Variants in HLCS observed in about 807,000 individuals in gnomAD.
HLCS encodes biotin--protein ligase.
Under a neutral mutation model 75.0 loss-of-function variants are expected in HLCS, and 53 were observed. That is an observed-to-expected ratio of 0.71 (90% CI 0.57 to 0.89). The LOEUF is 0.89. HLCS is among the 40% of genes least tolerant of loss of function. HLCS has a pLI of 0.00. For synonymous variants in HLCS, 431 were observed against 428.6 expected, an observed-to-expected ratio of 1.01 and a Z score of -0.07; for missense variants, 966 against 1,074.0, an observed-to-expected ratio of 0.90 and a Z score of 1.41.
intron 6 of HLCS, among the ~76,000 whole-genome samples, chr21:36,774,027 C>G (rs2060284725): frequency 6.6e-6 from 1 of 152,102 alleles, no homozygotes; most frequent in South Asian, 2.1e-4. Context: ...GGCAGGAATG[C>G]ACAAGATTGT....
intron 5 of HLCS, among the ~76,000 whole-genome samples, chr21:36,911,358 T>C (rs958797044): frequency 1.3e-5 from 2 of 152,146 alleles, no homozygotes; most frequent in Non-Finnish European, 2.9e-5. Context: ...TGATGATGCG[T>C]CCTTCCAGTT....
chr21:36,766,841 T>C (rs993205449), intron 7 of HLCS, among the ~76,000 whole-genome samples: 1 of 151,918 alleles, frequency 6.6e-6, no homozygotes, highest in Non-Finnish European at 1.5e-5. Context: ...GCAAAAGGCC[T>C]CCCACATGAC....
In HLCS at chr21:36,791,840, C is replaced by T. The variant is rs529372059; in HGVS notation, c.1893-24555G>A. ...AAAACCCTTGCAGCCTCCCACCCCA[C>T]CCCCGGCAAAAGCACTCTTTGCAAA... On this transcript the variant is annotated intron_variant, in intron 6 of 10. Coordinates refer to ENST00000674895, the MANE Select transcript of HLCS (RefSeq NM_001352514.2). Among the ~76,000 whole-genome samples, 6 of 152,140 alleles carry T rather than the reference C, an allele frequency of 3.9e-5. No individual in the cohort carries two copies. The South Asian group carries it at 1.2e-3, about 32-fold the overall frequency.
chr21:36,951,335 C>T (rs1370384306), intron 2 of HLCS, among the ~76,000 whole-genome samples: 41 of 152,180 alleles, frequency 2.7e-4, no homozygotes, highest in Non-Finnish European at 1.0e-4. Flanking sequence ...GAGCTGTGTG[C>T]AGGGGCCAGG....
At chr21:36,799,926 G>A (rs2061146157) in intron 6 of HLCS, among the ~76,000 whole-genome samples, 1 of 152,220 alleles carries the variant, frequency 6.6e-6, no homozygotes, top group Non-Finnish European at 1.5e-5. Context: ...AGGGTTGTTT[G>A]TGGACAACTA....
chr21:36,912,396 A>G (rs1372282005), intron 5 of HLCS, among the ~76,000 whole-genome samples: 1 of 152,204 alleles, frequency 6.6e-6, no homozygotes, highest in Non-Finnish European at 1.5e-5. Context: ...ACACAAAAGG[A>G]CAAATATTGT....
chr21:36,768,035 G>A (rs2090101917), intron 6 of HLCS, among the ~76,000 whole-genome samples: 11 of 152,152 alleles, frequency 7.2e-5, no homozygotes, highest in Admixed American at 7.2e-4. Flanking sequence ...CCCACTCTGA[G>A]AATTTCCTGC....
chr21:36,769,638 A>G (rs946108522), intron 6 of HLCS, among the ~76,000 whole-genome samples: 34 of 152,256 alleles, frequency 2.2e-4, no homozygotes, highest in Non-Finnish European at 2.6e-4. Context: ...AGCGGCACTC[A>G]GGAAAAGCGC....
chr21:36,844,173 G>A (rs767885488), intron 6 of HLCS, among the ~76,000 whole-genome samples: 1 of 152,164 alleles, frequency 6.6e-6, no homozygotes, highest in Non-Finnish European at 1.5e-5. Context: ...ATAAAATAGT[G>A]TAAAGGTGGA....
intron 6 of HLCS, among the ~76,000 whole-genome samples, chr21:36,786,871 A>G (rs937307970): frequency 2.6e-5 from 4 of 152,220 alleles, no homozygotes; most frequent in Admixed American, 6.5e-5. Flanking sequence ...TGGGAAGGAT[A>G]ACGAGTGATA....
intron 6 of HLCS, among the ~76,000 whole-genome samples, chr21:36,835,469 T>C (rs1056521432): frequency 6.6e-6 from 1 of 152,202 alleles, no homozygotes; most frequent in African/African-American, 2.4e-5. Context: ...TTTCTCTAGA[T>C]CACAGTTGGA....
At chr21:36,981,395 CTTTTTTTT>C (rs11328067) in intron 1 of HLCS, among the ~76,000 whole-genome samples, 1 of 91,280 alleles carries the variant, frequency 1.1e-5, no homozygotes, top group Non-Finnish European at 2.0e-5. Flanking sequence ...CTTAACCTTC[CTTTTTTTT>C]TTTTTTTTTT....
chr21:36,951,009 C>T (rs1273729374), intron 2 of HLCS, among the ~76,000 whole-genome samples: 2 of 152,230 alleles, frequency 1.3e-5, no homozygotes, highest in African/African-American at 4.8e-5. Context: ...ATGAACATTG[C>T]ATGGCCCAGG....
intron 6 of HLCS, among the ~76,000 whole-genome samples, chr21:36,837,817 CCT>C (rs2062467235): frequency 1.3e-5 from 2 of 151,990 alleles, no homozygotes; most frequent in African/African-American, 4.8e-5. Flanking sequence ...CAGCCCAGCC[CCT>C]GTTGATACTC....
At chr21:36,771,583 T>G (rs2060207271) in intron 6 of HLCS, among the ~76,000 whole-genome samples, 1 of 152,180 alleles carries the variant, frequency 6.6e-6, no homozygotes, top group Non-Finnish European at 1.5e-5. Flanking sequence ...CAGTCCCACA[T>G]GAAAGCCCAT....
chr21:36,812,303 ATATC>A (rs1483158312), intron 6 of HLCS, among the ~76,000 whole-genome samples: 4 of 152,268 alleles, frequency 2.6e-5, no homozygotes. Flanking sequence ...AGGGAGGAAA[ATATC>A]TACCTACTAT....
chr21:36,977,230 T>G (rs1346927570), intron 1 of HLCS, among the ~76,000 whole-genome samples: 1 of 152,048 alleles, frequency 6.6e-6, no homozygotes, highest in African/African-American at 2.4e-5. Context: ...ATTTCAGGCA[T>G]GTAAAAATCA....
chr21:36,823,223 T>C (rs2061899944), intron 6 of HLCS, among the ~76,000 whole-genome samples: 1 of 152,186 alleles, frequency 6.6e-6, no homozygotes, highest in Non-Finnish European at 1.5e-5. Context: ...TGATGCACAA[T>C]GCCTGGAAGA....
intron 2 of HLCS, among the ~76,000 whole-genome samples, chr21:36,953,547 A>T (rs2067771595): frequency 6.6e-6 from 1 of 152,178 alleles, no homozygotes; most frequent in Admixed American, 6.6e-5. Context: ...CCACTGTTAT[A>T]CAACTTAGCC....
Sources: allele counts gnomAD v4.1 joint callset (sites outside exome capture counted in the v4.1 genomes callset), GRCh38; gene constraint gnomAD v4.1.1; transcripts MANE v1.5; gene names NCBI Gene and HGNC (gene_info 2026-07-23, HGNC 2026-07-21).